IL1RAPL2: variants seen among roughly 807,000 people sequenced by gnomAD.
IL1RAPL2 encodes the protein interleukin 1 receptor accessory protein like 2, also known as X-linked interleukin-1 receptor accessory protein-like 2.
IL1RAPL2 carries 3 observed loss-of-function variants against 44.1 expected under a neutral mutation model. The ratio of observed to expected loss-of-function variants is 0.07; its 90% CI spans 0.03 to 0.18. The LOEUF (loss-of-function observed/expected upper bound fraction) is 0.18. Ranked by LOEUF, IL1RAPL2 falls within the 10% of genes least tolerant of loss-of-function variation. The pLI, the probability that IL1RAPL2 is intolerant of heterozygous loss-of-function variation, is 1.00. For synonymous variants in IL1RAPL2, 181 were observed against 178.8 expected (o/e 1.01, Z -0.10); for missense variants, 391 against 496.4 (o/e 0.79, Z 2.02).
intron 5 of IL1RAPL2, among the ~76,000 whole-genome samples, chrX:105,461,808 G>A (rs959341129): frequency 6.3e-5 from 7 of 111,455 alleles, no homozygotes; most frequent in African/African-American, 2.3e-4. Flanking sequence ...AATGCTTAAT[G>A]TGACACACAG....
intron 2 of IL1RAPL2, among the ~76,000 whole-genome samples, chrX:104,932,382 T>C (rs916100355): frequency 9.0e-6 from 1 of 110,941 alleles, no homozygotes; most frequent in Non-Finnish European, 1.9e-5. Context: ...TGGCATCAAA[T>C]ACTACAATTT....
At chrX:104,847,591 T>C (rs1922091380) in intron 2 of IL1RAPL2, among the ~76,000 whole-genome samples, 1 of 112,024 alleles carries the variant, frequency 8.9e-6, no homozygotes, top group Non-Finnish European at 1.9e-5. Context: ...TTTTGGTTAC[T>C]GTAGCCTTGT....
intron 6 of IL1RAPL2, among the ~76,000 whole-genome samples, chrX:105,635,880 T>C (rs765733652): frequency 9.0e-6 from 1 of 111,129 alleles, no homozygotes; most frequent in East Asian, 2.9e-4. Flanking sequence ...AGAGCACAGA[T>C]TGACTAGAAG....
chrX:105,665,726 G>GTT (rs745949698), intron 6 of IL1RAPL2, among the ~76,000 whole-genome samples: 8 of 75,194 alleles, frequency 1.1e-4, no homozygotes, highest in African/African-American at 3.7e-4. Context: ...TTTTATTTTT[G>GTT]TTTTTTTGTT....
At chrX:104,919,807 C>T (rs1490487483) in intron 2 of IL1RAPL2, among the ~76,000 whole-genome samples, 1 of 109,233 alleles carries the variant, frequency 9.2e-6, no homozygotes, top group East Asian at 2.9e-4. Flanking sequence ...TCCCAATGTG[C>T]TGGGATTACA....
chrX:105,072,219 A>C (rs2032216911), intron 2 of IL1RAPL2, among the ~76,000 whole-genome samples: 1 of 111,616 alleles, frequency 9.0e-6, no homozygotes. Flanking sequence ...CATGTAATGC[A>C]TGCCTGCTTC....
At position 105,767,354 on chromosome X, in the gene IL1RAPL2, C is replaced by G. The variant is rs1328679106; in HGVS notation, c.1754C>G (p.Pro585Arg). ...QGLFGELQPI[P>R]SIAMTSTSAT... is the part of the protein sequence containing the mutation. ...CTTTTTGGAGAACTCCAGCCTATACCCTCTATTGCCATGACCAGTACTTCA... is the reference window on the plus strand; with the variant it reads ...CTTTTTGGAGAACTCCAGCCTATACGCTCTATTGCCATGACCAGTACTTCA... The change falls in exon 11 of 11, where the codon CCC becomes CGC. Residue 585 changes from proline to arginine, a missense_variant. Coordinates refer to ENST00000372582, the MANE Select transcript of IL1RAPL2 (RefSeq NM_017416.2). The G allele has an allele frequency of 4.1e-6, 5 of 1,211,522 alleles. No individual in the cohort carries two copies. The Admixed American group carries it at 8.7e-5, about 21-fold the overall frequency.
chrX:105,424,925 T>C (rs765592424), intron 5 of IL1RAPL2, among the ~76,000 whole-genome samples: 1 of 109,909 alleles, frequency 9.1e-6, no homozygotes, highest in South Asian at 4.2e-4. Flanking sequence ...CTGTGGGACA[T>C]CACCCGGGGG....
intron 2 of IL1RAPL2, among the ~76,000 whole-genome samples, chrX:104,763,460 T>G (rs978265013): frequency 1.8e-5 from 2 of 112,282 alleles, no homozygotes; most frequent in African/African-American, 6.5e-5. Flanking sequence ...TTCCAACCTC[T>G]GCCTGTTACC....
intron 2 of IL1RAPL2, among the ~76,000 whole-genome samples, chrX:104,715,578 C>T (rs763571332): frequency 2.1e-4 from 23 of 108,738 alleles, no homozygotes; most frequent in African/African-American, 7.3e-4. Flanking sequence ...TTCACAAAGT[C>T]TCAGGATACA....
chrX:105,690,827 T>G (rs1353254054), intron 6 of IL1RAPL2, among the ~76,000 whole-genome samples: 1 of 111,792 alleles, frequency 8.9e-6, no homozygotes, highest in Non-Finnish European at 1.9e-5. Context: ...CTGTCTTAGT[T>G]TACTCAGGCT....
intron 1 of IL1RAPL2, among the ~76,000 whole-genome samples, chrX:104,620,589 G>A (rs1220899558): frequency 3.5e-5 from 3 of 85,577 alleles, no homozygotes; most frequent in Non-Finnish European, 6.4e-5. Flanking sequence ...GCAGTGAGCC[G>A]AGTTCGCACC....
chrX:105,002,103 C>T (rs2030861490), intron 2 of IL1RAPL2, among the ~76,000 whole-genome samples: 1 of 110,670 alleles, frequency 9.0e-6, no homozygotes, highest in Non-Finnish European at 1.9e-5. Flanking sequence ...AATAGAAATG[C>T]AAAAGCATTA....
intron 2 of IL1RAPL2, among the ~76,000 whole-genome samples, chrX:104,764,722 A>G (rs2147593509): frequency 8.9e-6 from 1 of 112,156 alleles, no homozygotes; most frequent in South Asian, 3.7e-4. Context: ...ATGTTGAGGT[A>G]TGTTCCTTCT....
intron 4 of IL1RAPL2, among the ~76,000 whole-genome samples, chrX:105,251,191 T>C (rs1379208971): frequency 9.0e-6 from 1 of 110,618 alleles, no homozygotes; most frequent in Non-Finnish European, 1.9e-5. Context: ...GAGCTTTACA[T>C]TGATTTATCT....
intron 2 of IL1RAPL2, among the ~76,000 whole-genome samples, chrX:105,056,120 A>G (rs2031989615): frequency 8.9e-6 from 1 of 112,138 alleles, no homozygotes; most frequent in East Asian, 2.8e-4. Context: ...ATTTTCCTAC[A>G]TATATTTCTT....
At chrX:104,835,785 A>G (rs779807786) in intron 2 of IL1RAPL2, among the ~76,000 whole-genome samples, 1 of 112,191 alleles carries the variant, frequency 8.9e-6, no homozygotes, top group African/African-American at 3.2e-5. Flanking sequence ...TGCATTAGAA[A>G]AAGTTCTTCT....
chrX:105,482,415 C>G (rs2036238871), intron 5 of IL1RAPL2, among the ~76,000 whole-genome samples: 1 of 110,978 alleles, frequency 9.0e-6, no homozygotes, highest in Non-Finnish European at 1.9e-5. Flanking sequence ...TAAATTATGC[C>G]AAAGTCAATT....
intron 5 of IL1RAPL2, among the ~76,000 whole-genome samples, chrX:105,482,701 G>A (rs991606221): frequency 7.2e-5 from 8 of 110,835 alleles, no homozygotes; most frequent in Admixed American, 2.9e-4. Context: ...TCTCTCTTTC[G>A]CTTCTAAATA....
Sources: allele counts gnomAD v4.1 joint callset (sites outside exome capture counted in the v4.1 genomes callset), GRCh38; gene constraint gnomAD v4.1.1; transcripts MANE v1.5; gene names NCBI Gene and HGNC (gene_info 2026-07-23, HGNC 2026-07-21).